The following PLA2G2A variants were observed in gnomAD, a reference collection of about 807,000 sequenced individuals.
PLA2G2A encodes the protein phospholipase A2 group IIA, also known as phospholipase A2, membrane associated.
Under a neutral mutation model 11.2 loss-of-function variants are expected in PLA2G2A, and 6 were observed. That is an observed-to-expected ratio of 0.54 (90% CI 0.29 to 1.06). The LOEUF (loss-of-function observed/expected upper bound fraction) is 1.06, where lower values mean the gene tolerates loss of function less well. Ranked by LOEUF, PLA2G2A falls within the 50% of genes least tolerant of loss-of-function variation. The pLI, the probability that PLA2G2A is intolerant of heterozygous loss-of-function variation, is 0.08. For synonymous variants in PLA2G2A, 69 were observed against 65.8 expected (o/e 1.05, Z -0.23); for missense variants, 133 against 177.1 (o/e 0.75, Z 1.41).
At chr1:19,979,002 A>ACACACACAC in intron 1 of PLA2G2A, 123 bp from the exon 2 acceptor site, 2 of 413,330 alleles carry the variant, frequency 4.8e-6, no homozygotes, top group East Asian at 1.2e-4. Flanking sequence ...CACACACACA[A>ACACACACAC]CCACCTCCTG....
downstream of PLA2G2A, chr1:19,975,635 T>C: frequency 1.4e-6 from 2 of 1,462,478 alleles, no homozygotes; most frequent in Non-Finnish European, 1.9e-6. Context: ...TTGGTTAGGG[T>C]AGGGAGGGAG....
At chr1:19,978,109 A>C in exon 4 of PLA2G2A, 1 of 1,612,580 alleles carries the variant, frequency 6.2e-7, no homozygotes, top group South Asian at 1.1e-5. Flanking sequence ...AACAGTCATG[A>C]GTGACACAGC....
chr1:19,978,687 C>G (rs372467984), intron 2 of PLA2G2A, 47 bp downstream of exon 2: 1 of 1,609,356 alleles, frequency 6.2e-7, no homozygotes, highest in South Asian at 1.1e-5. Context: ...GAGTGCTTCC[C>G]TTCTGGGGCT....
intron 4 of PLA2G2A, 66 bp downstream of exon 4, chr1:19,977,949 C>A (rs2046243329): frequency 1.0e-6 from 1 of 953,236 alleles, no homozygotes; most frequent in Non-Finnish European, 1.7e-6. Context: ...ATCTTTGGTG[C>A]CCAGCACAGT....
chr1:19,977,981 T>C, intron 4 of PLA2G2A, 34 bp downstream of exon 4: 6 of 1,247,502 alleles, frequency 4.8e-6, no homozygotes, highest in Non-Finnish European at 7.1e-6. Context: ...TCTAAACAAA[T>C]GAGGGCCACT....
intron 2 of PLA2G2A, 22 bp from the exon 3 acceptor site, chr1:19,978,546 G>A: frequency 1.9e-6 from 3 of 1,613,020 alleles, no homozygotes; most frequent in Non-Finnish European, 2.5e-6. Context: ...TTTGGGAGTT[G>A]TCTGGTGATG....
At position 19,978,126 on chromosome 1, in the gene PLA2G2A, G is replaced by GA. The variant is rs747288065; in HGVS notation, c.186-6dup. On this transcript the variant is annotated splice_region_variant and splice_polypyrimidine_tract_variant and intron_variant, in intron 3 of 4. Coordinates refer to ENST00000482011, the Ensembl canonical transcript of PLA2G2A. ...CAGTCATGAGTGACACAGCAGCTGT[G>GA]AGGAGACACCCTGTTGGGGCTCTTG... 2.5e-6 allele frequency: 4 copies of GA among 1,600,918 alleles called. No individual in the cohort carries two copies. The highest frequency in any genetic ancestry group is 3.4e-6 in the Non-Finnish European group (4 of 1,167,898).
In PLA2G2A at chr1:19,978,727, C is replaced by T. The variant is rs2046260922; in HGVS notation, c.40+7G>A. ...CCCCATGCTCAGAGGTCAGGGTCAG[C>T]TCTTACCAAAGATCATGATCACTGC... On this transcript the variant is annotated splice_region_variant and intron_variant, in intron 2 of 4. Transcript: ENST00000482011. 3 of 1,614,100 alleles carry T rather than the reference C, an allele frequency of 1.9e-6. No individual in the cohort carries two copies. The highest frequency in any genetic ancestry group is 1.1e-5 in the South Asian group (1 of 91,058).
intron 4 of PLA2G2A, 57 bp from the exon 5 acceptor site, chr1:19,975,900 T>C (rs2046213733): frequency 2.0e-6 from 3 of 1,506,604 alleles, no homozygotes; most frequent in African/African-American, 2.8e-5. Context: ...CAGTGGCTTC[T>C]TGTGGGAACC....
intron 1 of PLA2G2A, among the ~76,000 whole-genome samples, chr1:19,979,263 G>A (rs1340509263): frequency 2.0e-5 from 3 of 151,996 alleles, no homozygotes; most frequent in African/African-American, 2.4e-5. Context: ...ATGGAGGCTC[G>A]GCCTCAGTAT....
In PLA2G2A at chr1:19,978,372, G is replaced by A. The variant is rs760504874; in HGVS notation, c.185+8C>T. The A allele has an allele frequency of 3.7e-6, 6 of 1,611,348 alleles. No homozygotes were observed. In the South Asian group the frequency reaches 4.4e-5, roughly 12 times the overall value. Reference sequence around the variant, plus strand: ...TCTAGGAGGGTAGGGAGGGATAGGTGGCCTCACCGATCCGTTGCATCCTTG... The same window carrying A: ...TCTAGGAGGGTAGGGAGGGATAGGTAGCCTCACCGATCCGTTGCATCCTTG... On this transcript the variant is annotated splice_region_variant and intron_variant, in intron 3 of 4. Coordinates refer to ENST00000482011, the Ensembl canonical transcript of PLA2G2A.
chr1:19,979,017 G>C, intron 1 of PLA2G2A, 138 bp from the exon 2 acceptor site: 1 of 558,114 alleles, frequency 1.8e-6, no homozygotes, highest in South Asian at 2.0e-5. Flanking sequence ...CTCCTGACCC[G>C]TTCCCAGCTC....
At chr1:19,976,620 T>C (rs2046223081) in intron 4 of PLA2G2A, among the ~76,000 whole-genome samples, 1 of 152,164 alleles carries the variant, frequency 6.6e-6, no homozygotes, top group Non-Finnish European at 1.5e-5. Context: ...GGAGACATAA[T>C]TTCTGATCTT....
chr1:19,975,924 C>G, intron 4 of PLA2G2A, 81 bp from the exon 5 acceptor site: 5 of 1,215,244 alleles, frequency 4.1e-6, no homozygotes, highest in Non-Finnish European at 4.8e-6. Flanking sequence ...GGGTAGAAGA[C>G]ACAGCCCTGT....
chr1:19,978,844 C>T (rs2046262626), exon 2 of PLA2G2A: 3 of 1,466,180 alleles, frequency 2.0e-6, no homozygotes, highest in Admixed American at 1.7e-5. Context: ...TCAACTTCTG[C>T]CCCGGCCGTC....
At chr1:19,980,178 A>G (rs1038577842), upstream of PLA2G2A, among the ~76,000 whole-genome samples, 5 of 152,128 alleles carry the variant, frequency 3.3e-5, no homozygotes, top group East Asian at 3.9e-4. Context: ...CCAGGGAGAG[A>G]GTTTAATGGG....
Position 19,978,640 on chromosome 1 carries a change from G to C in PLA2G2A, c.40+94C>G, listed in dbSNP as rs1441700449. On this transcript the variant is annotated intron_variant, in intron 2 of 4. Coordinates refer to ENST00000482011, the Ensembl canonical transcript of PLA2G2A. ...AATGGCTTCTTTTTTCCCCCTGAGAGAGGATCACTGCAATGGGAGAGAAAA... is the reference window on the plus strand; with the variant it reads ...AATGGCTTCTTTTTTCCCCCTGAGACAGGATCACTGCAATGGGAGAGAAAA... 9.4e-6 allele frequency: 15 copies of C among 1,593,806 alleles called. No individual in the cohort carries two copies. In the African/African-American group the frequency reaches 2.0e-4, roughly 21 times the overall value.
intron 4 of PLA2G2A, among the ~76,000 whole-genome samples, chr1:19,976,208 A>G (rs1271952686): frequency 6.6e-6 from 1 of 152,182 alleles, no homozygotes; most frequent in African/African-American, 2.4e-5. Flanking sequence ...CTTTGCAGTG[A>G]TTGGTCTTTG....
exon 5 of PLA2G2A, chr1:19,975,762 T>G: frequency 6.2e-7 from 1 of 1,613,522 alleles, no homozygotes; most frequent in South Asian, 1.1e-5. Context: ...CTTTTTATTG[T>G]AGGTCGTCTT....
Sources: allele counts gnomAD v4.1 joint callset (sites outside exome capture counted in the v4.1 genomes callset), GRCh38; gene constraint gnomAD v4.1.1; transcripts MANE v1.5; gene names NCBI Gene and HGNC (gene_info 2026-07-23, HGNC 2026-07-21).